The following TMTC4 variants were observed in gnomAD, a reference collection of about 807,000 sequenced individuals.
TMTC4 encodes the protein transmembrane O-mannosyltransferase targeting cadherins 4.
In TMTC4, 65 loss-of-function variants were observed where a neutral mutation model predicts 86.0. The ratio of observed to expected loss-of-function variants is 0.76; its 90% CI spans 0.62 to 0.93. The LOEUF is 0.93. Among genes scored for constraint, TMTC4 ranks in the 40% least tolerant of loss-of-function variants. The pLI is 0.00. For synonymous variants in TMTC4, 379 were observed against 382.5 expected (o/e 0.99, Z 0.11); for missense variants, 866 against 948.1 (o/e 0.91, Z 1.14).
At chr13:100,614,964 G>A in intron 15 of TMTC4, 1 of 984,816 alleles carries the variant, frequency 1.0e-6, no homozygotes, top group Non-Finnish European at 1.2e-6. Flanking sequence ...CTTCCTGCCT[G>A]TGTCTAAAGT....
chr13:100,606,276 C>A, intron 18 of TMTC4, 82 bp downstream of exon 18: 1 of 1,220,974 alleles, frequency 8.2e-7, no homozygotes, highest in Non-Finnish European at 1.2e-6. Flanking sequence ...AACTACTCTC[C>A]CAACATTAAT....
chr13:100,618,819 T>C (rs375884403), intron 15 of TMTC4, among the ~76,000 whole-genome samples: 2,888 of 152,310 alleles, frequency 0.019, 78 homozygotes, highest in African/African-American at 0.057. Flanking sequence ...AGGTCACCGA[T>C]TAGCAGGATC....
Position 100,651,024 on chromosome 13 carries a change from G to A in TMTC4, c.640+5357C>T, listed in dbSNP as rs577137038. On this transcript the variant is annotated intron_variant, in intron 6 of 18. Coordinates refer to ENST00000342624, the MANE Select transcript of TMTC4 (RefSeq NM_032813.5). ...GGGAGCTATATAGCTTAAGAACAAT[G>A]GAGATTTGAGATCCTGCCTTTGATA... Among the ~76,000 whole-genome samples, 7 of 152,262 alleles carry A rather than the reference G, an allele frequency of 4.6e-5. No homozygotes were observed. The East Asian group carries it at 7.7e-4, about 17-fold the overall frequency.
intron 5 of TMTC4, 73 bp from the exon 6 acceptor site, chr13:100,656,541 A>ATTTTTTTTTT: frequency 4.3e-6 from 2 of 462,936 alleles, no homozygotes; most frequent in Non-Finnish European, 6.6e-6. Context: ...AGGAGACATA[A>ATTTTTTTTTT]CTTTTTTTTT....
chr13:100,656,541 A>ATTTTTTTTTTTT, intron 5 of TMTC4, 73 bp from the exon 6 acceptor site: 3 of 462,934 alleles, frequency 6.5e-6, no homozygotes, highest in South Asian at 6.8e-5. Context: ...AGGAGACATA[A>ATTTTTTTTTTTT]CTTTTTTTTT....
intron 18 of TMTC4, 111 bp downstream of exon 18, chr13:100,606,247 G>T: frequency 2.2e-6 from 2 of 894,842 alleles, no homozygotes; most frequent in Non-Finnish European, 3.5e-6. Context: ...ACATTTTAAA[G>T]CCAGGCTAGC....
At chr13:100,642,102 G>A (rs1207839908) in intron 7 of TMTC4, 109 bp downstream of exon 7, 2 of 1,095,954 alleles carry the variant, frequency 1.8e-6, no homozygotes. Flanking sequence ...GCCAGCAATG[G>A]GATGTAGGCG....
chr13:100,655,495 G>A (rs1443730261), intron 6 of TMTC4, among the ~76,000 whole-genome samples: 1 of 152,218 alleles, frequency 6.6e-6, no homozygotes, highest in Non-Finnish European at 1.5e-5. Context: ...TCCTGTTACT[G>A]ATTCACTGTC....
rs946021986 is a variant in TMTC4 at position 100,670,262 on chromosome 13, G to C, written c.3+98C>G. The C allele has an allele frequency of 3.5e-6, 5 of 1,420,048 alleles. No homozygotes were observed. The East Asian group carries it at 1.2e-4, about 35-fold the overall frequency. The allele number at this position is 1,420,048 out of a possible 1,614,324, so 88.0% of individuals were successfully genotyped here. ...ATACCCCAGATTATGGAATCAATAA[G>C]AAGCCAGCCAAATAGGCCACCTGAA... On this transcript the variant is annotated intron_variant, in intron 2 of 18. Coordinates refer to ENST00000342624, the MANE Select transcript of TMTC4 (RefSeq NM_032813.5).
At chr13:100,660,738 C>T (rs1477607402) in intron 5 of TMTC4, among the ~76,000 whole-genome samples, 2 of 151,534 alleles carry the variant, frequency 1.3e-5, no homozygotes, top group African/African-American at 4.9e-5. Flanking sequence ...ACTGCAGCCT[C>T]TGCCTCCTGG....
At chr13:100,630,387 T>C (rs2138837280) in intron 12 of TMTC4, among the ~76,000 whole-genome samples, 1 of 152,342 alleles carries the variant, frequency 6.6e-6, no homozygotes, top group Admixed American at 6.5e-5. Flanking sequence ...AAAATGTGTG[T>C]ACTACCATGC....
rs542943800 is a variant in TMTC4 at position 100,627,491 on chromosome 13, A to C, written c.1507-1341T>G. Among the ~76,000 whole-genome samples, 4 of 152,188 alleles carry C rather than the reference A, an allele frequency of 2.6e-5. No individual in the cohort carries two copies. The South Asian group carries it at 8.3e-4, about 32-fold the overall frequency. On this transcript the variant is annotated intron_variant, in intron 12 of 18. Coordinates refer to ENST00000342624, the MANE Select transcript of TMTC4 (RefSeq NM_032813.5). ...CTCTCCTGTCTCACGGTGCTTGCCC[A>C]TAATTTCCGGCTTGCAGATGCCTCG...
At chr13:100,634,451 G>C (rs528057291) in intron 12 of TMTC4, among the ~76,000 whole-genome samples, 4 of 152,186 alleles carry the variant, frequency 2.6e-5, no homozygotes, top group African/African-American at 9.6e-5. Flanking sequence ...GTGTGCTCTA[G>C]ACATCAGAAT....
At chr13:100,646,662 T>C (rs1883787558) in intron 6 of TMTC4, among the ~76,000 whole-genome samples, 1 of 152,234 alleles carries the variant, frequency 6.6e-6, no homozygotes, top group African/African-American at 2.4e-5. Context: ...TCAGGAGGCA[T>C]GGAGCCCGGA....
At chr13:100,657,180 G>C (rs1423969618) in intron 5 of TMTC4, among the ~76,000 whole-genome samples, 1 of 152,176 alleles carries the variant, frequency 6.6e-6, no homozygotes, top group African/African-American at 2.4e-5. Context: ...CAAAGGTCAT[G>C]ATATTTAAAA....
At chr13:100,623,639 GGTTTT>G (rs1269054377) in intron 15 of TMTC4, among the ~76,000 whole-genome samples, 6 of 101,888 alleles carry the variant, frequency 5.9e-5, no homozygotes, top group Non-Finnish European at 1.0e-4. Flanking sequence ...CTACTAGTTG[GGTTTT>G]GTTTTTTTTT....
chr13:100,624,398 A>G (rs909139460), intron 15 of TMTC4: 3 of 153,028 alleles, frequency 2.0e-5, no homozygotes, highest in African/African-American at 7.2e-5. Context: ...TCCAGAAGCC[A>G]TGGCACGCAC....
At chr13:100,669,975 A>G (rs1441523702) in intron 2 of TMTC4, among the ~76,000 whole-genome samples, 4 of 152,140 alleles carry the variant, frequency 2.6e-5, no homozygotes, top group African/African-American at 4.8e-5. Context: ...GTTAAATAGG[A>G]TTCCCAGCAC....
At chr13:100,653,210 C>G (rs1025175302) in intron 6 of TMTC4, among the ~76,000 whole-genome samples, 2 of 152,172 alleles carry the variant, frequency 1.3e-5, no homozygotes, top group Non-Finnish European at 2.9e-5. Context: ...AACAAAGAAG[C>G]ACATTCTATT....
Sources: allele counts gnomAD v4.1 joint callset (sites outside exome capture counted in the v4.1 genomes callset), GRCh38; gene constraint gnomAD v4.1.1; transcripts MANE v1.5; gene names NCBI Gene and HGNC (gene_info 2026-07-23, HGNC 2026-07-21).